Variants in KDM6A observed in about 807,000 individuals in gnomAD.
KDM6A encodes lysine-specific demethylase 6A.
KDM6A carries 11 observed loss-of-function variants against 117.6 expected under a neutral mutation model. The ratio of observed to expected loss-of-function variants is 0.09; its 90% confidence interval spans 0.06 to 0.15. KDM6A has a LOEUF of 0.15. Ranked by LOEUF, KDM6A falls within the 10% of genes least tolerant of loss-of-function variation. The probability of loss-of-function intolerance (pLI) is 1.00; values close to 1 mark genes in which losing one functional copy is unlikely to be tolerated. For synonymous variants in KDM6A, 384 were observed against 396.1 expected (o/e 0.97, Z 0.36); for missense variants, 799 against 1,077.3 (o/e 0.74, Z 3.62).
chrX:45,004,460 C>G (rs1473119777), intron 4 of KDM6A, among the ~76,000 whole-genome samples: 1 of 111,348 alleles, frequency 9.0e-6, no homozygotes, highest in Non-Finnish European at 1.9e-5. Context: ...TCTCAACTGT[C>G]TATGTTTTGT....
rs2148305799 is a variant in KDM6A at position 45,110,142 on chromosome X, C to G, written c.4225C>G (p.His1409Asp). Reference sequence around the variant, plus strand: ...TAATTCACGAAAGACCTACATAGTACATTGCCAAGATTGTGCACGAAAAAC... The same window carrying G: ...TAATTCACGAAAGACCTACATAGTAGATTGCCAAGATTGTGCACGAAAAAC... ...ESNSRKTYIV[H>D]CQDCARKTSG... Residue 1409 changes from histidine to aspartate, a missense_variant, in exon 29 of 30, where the codon CAT becomes GAT. Physicochemically the swap from His to Asp is moderately conservative, Grantham distance 81. This residue lies in a region of KDM6A where 291 missense variants were observed against 437.9 expected (regional missense o/e 0.66). Coordinates refer to ENST00000611820, the MANE Select transcript of KDM6A (RefSeq NM_001291415.2). 1 of 1,209,897 alleles carries G rather than the reference C, an allele frequency of 8.3e-7. No individual in the cohort carries two copies. The highest frequency in any genetic ancestry group is 1.1e-6 in the Non-Finnish European group (1 of 893,857).
At chrX:45,017,045 T>A (rs11419004) in intron 5 of KDM6A, among the ~76,000 whole-genome samples, 24,083 of 110,713 alleles carry the variant, frequency 0.22, 4,304 homozygotes, top group African/African-American at 0.61. Flanking sequence ...AAATGAAAAA[T>A]CCTTTAAACT....
rs775880927 is a variant in KDM6A at position 45,090,842 on chromosome X, C to T, written c.4012C>T (p.Pro1338Ser). ...NMARNIKVSD[P>S]KLFEMIKYCL... ...GGCACGAAATATCAAGGTCTCAGAT[C>T]CAAAGCTTTTTGAAATGATTAAGTA... Residue 1338 changes from proline (P) to serine (S), a missense_variant, in exon 27 of 30, where the codon CCA (proline) becomes TCA (serine). Pro to Ser is a moderately conservative substitution (Grantham distance 74). Transcript: ENST00000611820. The T allele has an allele frequency of 2.5e-6, 3 of 1,210,072 alleles. No homozygotes were observed. The East Asian group carries it at 8.9e-5, about 36-fold the overall frequency.
intron 2 of KDM6A, among the ~76,000 whole-genome samples, chrX:44,911,627 C>T (rs1232454779): frequency 8.9e-6 from 1 of 112,220 alleles, no homozygotes; most frequent in African/African-American, 3.2e-5. Context: ...GATGGGGTGG[C>T]GGCTGGGCAG....
intron 6 of KDM6A, among the ~76,000 whole-genome samples, chrX:45,030,733 A>C (rs1331699146): frequency 9.0e-6 from 1 of 111,112 alleles, no homozygotes; most frequent in African/African-American, 3.3e-5. Context: ...TTTTTGAGAC[A>C]AAATCTCACT....
chrX:44,937,587 A>G, intron 2 of KDM6A, among the ~76,000 whole-genome samples: 1 of 111,958 alleles, frequency 8.9e-6, no homozygotes, highest in East Asian at 2.8e-4. Context: ...AACTTAATTA[A>G]TAAACATGTA....
chrX:45,022,847 A>C (rs778077138), intron 6 of KDM6A, among the ~76,000 whole-genome samples: 6 of 112,000 alleles, frequency 5.4e-5, no homozygotes, highest in Non-Finnish European at 1.1e-4. Flanking sequence ...TCTAGCCTTC[A>C]GGATTGGTTG....
chrX:44,951,214 G>A (rs2037982321), intron 2 of KDM6A, among the ~76,000 whole-genome samples: 1 of 111,684 alleles, frequency 9.0e-6, no homozygotes, highest in Non-Finnish European at 1.9e-5. Flanking sequence ...GCTTTGCTAA[G>A]AATCCTTTGT....
At chrX:44,917,330 T>C (rs139594397) in intron 2 of KDM6A, among the ~76,000 whole-genome samples, 5,371 of 111,457 alleles carry the variant, frequency 0.048, 334 homozygotes, top group African/African-American at 0.17. Context: ...CCCAGCCATA[T>C]TTTCTTGATC....
intron 5 of KDM6A, among the ~76,000 whole-genome samples, chrX:45,012,197 A>ATTTTTTTTTTTTTTTTTTTTTT (rs760991442): frequency 2.9e-5 from 2 of 69,070 alleles, no homozygotes; most frequent in African/African-American, 1.3e-4. Context: ...CCCAATGTAG[A>ATTTTTTTTTTTTTTTTTTTTTT]TTTTTTTTTT....
intron 2 of KDM6A, among the ~76,000 whole-genome samples, chrX:44,895,191 C>T (rs1025464769): frequency 4.6e-5 from 5 of 108,706 alleles, no homozygotes; most frequent in Admixed American, 1.0e-4. Context: ...TTGCAAACTC[C>T]GCCTCCTGGG....
rs2148314915 is a variant in KDM6A, at chrX:45,111,398, C to T, written c.4349C>T (p.Ser1450Phe). ...TATTTTCAGGCTCCTCCATTACCAT[C>T]CGCCTCATCTTGATATTGTTCCATG... ...DQFTLAPPLP[S>F]ASS The change falls in exon 30 of 30, where the codon TCC (serine) becomes TTC (phenylalanine). Residue 1450 changes from serine (S) to phenylalanine (F), a missense_variant. Coordinates refer to ENST00000611820, the MANE Select transcript of KDM6A (RefSeq NM_001291415.2). The T allele has an allele frequency of 4.2e-6, 5 of 1,200,992 alleles. No homozygotes were observed. The highest frequency in any genetic ancestry group is 5.6e-6 in the Non-Finnish European group (5 of 886,219).
Position 44,936,504 on chromosome X carries a change from A to G in KDM6A, c.226-24780A>G, listed in dbSNP as rs919864440. ...TCCCAAAGCTGTGGCATCCTAGCAG[A>G]TATTTATAGTTCATTTGCAGTTCTC... On this transcript the variant is annotated intron_variant, in intron 2 of 29. Transcript: ENST00000611820. 2.7e-5 allele frequency among the ~76,000 whole-genome samples: 3 copies of G among 111,757 alleles called. No homozygotes were observed. In the Admixed American group the frequency reaches 2.9e-4, roughly 11 times the overall value.
chrX:44,916,115 A>G (rs984882343), intron 2 of KDM6A, among the ~76,000 whole-genome samples: 1 of 111,209 alleles, frequency 9.0e-6, no homozygotes, highest in Non-Finnish European at 1.9e-5. Flanking sequence ...ATGTATGTAT[A>G]GGAAAAAACA....
chrX:44,964,714 G>T (rs1205536255), intron 3 of KDM6A, among the ~76,000 whole-genome samples: 1 of 111,755 alleles, frequency 8.9e-6, no homozygotes, highest in Non-Finnish European at 1.9e-5. Context: ...AGACTTTGTT[G>T]TTCTATTTAT....
At chrX:45,068,578 A>AG (rs955860755) in intron 17 of KDM6A, among the ~76,000 whole-genome samples, 2 of 103,898 alleles carry the variant, frequency 1.9e-5, no homozygotes, top group East Asian at 2.9e-4. Context: ...AAAAAAAAAA[A>AG]AGAGAGACAC....
At chrX:44,909,899 G>A (rs1275371818) in intron 2 of KDM6A, among the ~76,000 whole-genome samples, 1 of 112,046 alleles carries the variant, frequency 8.9e-6, no homozygotes, top group East Asian at 2.8e-4. Context: ...TAAAAGCATA[G>A]CACTTTGTGG....
At chrX:44,931,384 G>A (rs2036617262) in intron 2 of KDM6A, among the ~76,000 whole-genome samples, 1 of 111,876 alleles carries the variant, frequency 8.9e-6, no homozygotes, top group Non-Finnish European at 1.9e-5. Flanking sequence ...TCCAAAGCAG[G>A]ATCTCAAAGA....
Position 45,082,742 on chromosome X carries a change from T to G in KDM6A, c.3393T>G (p.Phe1131Leu). ...DNSGRRRKGP[F>L]KTIKFGTNID... ...CTGGGAGGAGGAGGAAAGGACCCTT[T>G]AAAACCATAAAGTTTGGGACCAATA... Residue 1131 changes from phenylalanine (F) to leucine (L), a missense_variant, in exon 23 of 30, where the codon TTT becomes TTG. Phe to Leu is a conservative substitution (Grantham distance 22). Around this residue, in one of 8 missense-constraint regions of KDM6A, gnomAD observed 291 missense variants for 437.9 expected, o/e 0.66. Transcript: ENST00000611820. The G allele has an allele frequency of 8.3e-7, 1 of 1,205,652 alleles. No homozygotes were observed.
Sources: allele counts gnomAD v4.1 joint callset (sites outside exome capture counted in the v4.1 genomes callset), GRCh38; gene constraint gnomAD v4.1.1; regional missense constraint gnomAD v4.1.1; transcripts MANE v1.5; gene names NCBI Gene and HGNC (gene_info 2026-07-23, HGNC 2026-07-21).